LTF: variants seen among roughly 807,000 people sequenced by gnomAD.
LTF encodes the protein lactotransferrin.
Under a neutral mutation model 87.2 loss-of-function variants are expected in LTF, and 91 were observed. The observed-to-expected ratio is 1.04, with a 90% CI of 0.88 to 1.24. The LOEUF is 1.24. LTF is among the 50% of genes most tolerant of loss of function. LTF has a pLI of 0.00. For missense variants in LTF, 901 were observed against 904.3 expected (o/e 1.00, Z 0.05); for synonymous variants, 378 against 356.1 (o/e 1.06, Z -0.69).
At chr3:46,441,134 A>G (rs571131038) in intron 14 of LTF, among the ~76,000 whole-genome samples, 1 of 152,164 alleles carries the variant, frequency 6.6e-6, no homozygotes, top group East Asian at 1.9e-4. Context: ...CCAGGGAGAC[A>G]TTTGCTACTG....
intron 1 of LTF, among the ~76,000 whole-genome samples, chr3:46,472,074 C>T (rs139950130): frequency 2.0e-5 from 3 of 152,210 alleles, no homozygotes; most frequent in Non-Finnish European, 4.4e-5. Flanking sequence ...AGCGACCCTC[C>T]TCCCTTCTCA....
intron 1 of LTF, among the ~76,000 whole-genome samples, chr3:46,480,348 G>A (rs150445060): frequency 3.9e-5 from 6 of 152,194 alleles, no homozygotes; most frequent in Non-Finnish European, 8.8e-5. Context: ...TTTGGACTCC[G>A]CAACCTTCCT....
chr3:46,462,892 G>A (rs933764934), intron 1 of LTF, among the ~76,000 whole-genome samples: 35 of 151,722 alleles, frequency 2.3e-4, no homozygotes, highest in Admixed American at 1.1e-3. Context: ...GCCTCAAGCC[G>A]GAGGTGGGGG....
At chr3:46,461,691 C>T (rs1450718624) in intron 1 of LTF, among the ~76,000 whole-genome samples, 1 of 152,082 alleles carries the variant, frequency 6.6e-6, no homozygotes, top group East Asian at 1.9e-4. Context: ...TAAAAGTGTT[C>T]TAAAACAGAT....
chr3:46,473,947 C>T (rs914452828), intron 1 of LTF, among the ~76,000 whole-genome samples: 4 of 152,120 alleles, frequency 2.6e-5, no homozygotes, highest in African/African-American at 7.2e-5. Context: ...GTAACCACTA[C>T]GTAACCTATA....
In LTF at chr3:46,456,288, A is replaced by T; in HGVS notation, c.316+2T>A. On this transcript the variant is annotated splice_donor_variant, in intron 3 of 16. Coordinates refer to ENST00000231751, the MANE Select transcript of LTF (RefSeq NM_002343.6). LOFTEE classifies it high-confidence loss of function. Reference sequence around the variant, plus strand: ...GCCTCTGGGTCCCCAGGCAGAACTCACGTCTTTCGGTCCCGTAGACTTCCG... The same window carrying T: ...GCCTCTGGGTCCCCAGGCAGAACTCTCGTCTTTCGGTCCCGTAGACTTCCG... 1.2e-6 allele frequency: 2 copies of T among 1,613,570 alleles called. No homozygotes were observed. The highest frequency in any genetic ancestry group is 2.2e-5 in the East Asian group (1 of 44,870).
chr3:46,470,901 C>T (rs1007867027), intron 1 of LTF, among the ~76,000 whole-genome samples: 3 of 152,206 alleles, frequency 2.0e-5, no homozygotes, highest in Non-Finnish European at 4.4e-5. Flanking sequence ...TGTTGAGATG[C>T]TTGTGCAGTG....
Position 46,437,991 on chromosome 3 carries a change from C to T in LTF, c.2047G>A (p.Gly683Arg). 6.2e-7 allele frequency: 1 copy of T among 1,613,720 alleles called. No homozygotes were observed. Among genetic ancestry groups the T allele is most frequent in the Non-Finnish European group, 8.5e-7 (1 of 1,179,900 alleles). The stretch of plus-strand genomic sequence containing the variant: ...GTAATGCCTGCGACATACTGTGGTC[C>T]CAAATATTTTTCATATGTTGTTTTG... Reference protein sequence around the residue: ...HGKTTYEKYLGPQYVAGITNL... With the variant: ...HGKTTYEKYLRPQYVAGITNL... Residue 683 changes from glycine (G) to arginine (R), a missense_variant, in exon 16 of 17, where the codon GGA becomes AGA. Physicochemically the swap from Gly to Arg is moderately radical, Grantham distance 125 (BLOSUM62 -2). Transcript: ENST00000231751.
intron 1 of LTF, among the ~76,000 whole-genome samples, chr3:46,480,439 G>T (rs1354230240): frequency 1.1e-4 from 17 of 152,140 alleles, no homozygotes; most frequent in Admixed American, 1.1e-3. Context: ...GCCCTTGGCT[G>T]CAGGGACCTG....
intron 6 of LTF, among the ~76,000 whole-genome samples, chr3:46,452,665 G>GA (rs1238757166): frequency 6.6e-6 from 1 of 152,126 alleles, no homozygotes; most frequent in Non-Finnish European, 1.5e-5. Context: ...AACAAAAGCA[G>GA]AAAAAATGCA....
intron 1 of LTF, among the ~76,000 whole-genome samples, chr3:46,472,488 TTGTGTGTGTG>T (rs34825595): frequency 0.019 from 2,021 of 106,900 alleles, 61 homozygotes; most frequent in African/African-American, 0.075. Flanking sequence ...GAAAAGATTA[TTGTGTGTGTG>T]TGTGTGTGTG....
rs528784669 is a variant in LTF at position 46,459,553 on chromosome 3, C to G, written c.207+103G>C. The G allele has an allele frequency of 2.5e-5, 29 of 1,173,644 alleles. No individual in the cohort carries two copies. In the East Asian group the frequency reaches 3.5e-4, roughly 14 times the overall value. 72.7% of individuals were successfully genotyped at this position (1,173,644 alleles called of 1,614,324 possible). On this transcript the variant is annotated intron_variant, in intron 2 of 16. Coordinates refer to ENST00000231751, the MANE Select transcript of LTF (RefSeq NM_002343.6). ...GACGGCTCCCCACTTCGTTGCCCAA[C>G]AGGTGAAGCAGAGGAAGTAAGGAGA...
At chr3:46,465,064 C>T, upstream of LTF, 2 of 615,988 alleles carry the variant, frequency 3.2e-6, no homozygotes, top group Middle Eastern at 3.5e-4. Context: ...CTCCACACCG[C>T]GCTGCGAGAG....
intron 2 of LTF, 81 bp downstream of exon 2, chr3:46,459,575 G>A: frequency 2.3e-6 from 3 of 1,300,590 alleles, no homozygotes; most frequent in Middle Eastern, 2.1e-4. Flanking sequence ...AGGAAGTAAG[G>A]AGAGCTCGTG....
At chr3:46,459,516 C>T (rs1039507321) in intron 2 of LTF, 140 bp downstream of exon 2, 92 of 753,154 alleles carry the variant, frequency 1.2e-4, no homozygotes, top group Non-Finnish European at 1.6e-4. Context: ...AGCACAGTTC[C>T]CTGTGAGAGA....
chr3:46,478,807 C>T (rs1485614560), intron 1 of LTF, among the ~76,000 whole-genome samples: 1 of 152,150 alleles, frequency 6.6e-6, no homozygotes, highest in Non-Finnish European at 1.5e-5. Flanking sequence ...ATAATTTGAC[C>T]AAGAAAATCA....
intron 13 of LTF, chr3:46,441,969 GTGTGTGTGTGTGTGTGTGTATGC>G (rs1702532664): frequency 8.3e-6 from 1 of 120,136 alleles, no homozygotes; most frequent in Non-Finnish European, 1.8e-5. Flanking sequence ...GTGTGTGTGT[GTGTGTGTGTGTGTGTGTGTATGC>G]ATGTTGTTAG....
Position 46,449,034 on chromosome 3 carries a change from C to G in LTF, c.1058-17G>C, listed in dbSNP as rs147868536. ...CCTCCTCACCTGCCAGAGGGAAGACCGCAGGTGGCTGGGCAACCTGAGCTT... is the reference window on the plus strand; with the variant it reads ...CCTCCTCACCTGCCAGAGGGAAGACGGCAGGTGGCTGGGCAACCTGAGCTT... On this transcript the variant is annotated splice_polypyrimidine_tract_variant and intron_variant, in intron 8 of 16. Coordinates refer to ENST00000231751, the MANE Select transcript of LTF (RefSeq NM_002343.6). 1 of 1,595,212 alleles carries G rather than the reference C, an allele frequency of 6.3e-7. No homozygotes were observed. Among genetic ancestry groups the G allele is most frequent in the East Asian group, 2.2e-5 (1 of 44,462 alleles).
intron 3 of LTF, 27 bp from the exon 4 acceptor site, chr3:46,456,005 G>A: frequency 3.3e-6 from 5 of 1,535,124 alleles, no homozygotes; most frequent in Non-Finnish European, 4.4e-6. Context: ...AGAATTGAAA[G>A]TTCTTAGCCT....
Sources: allele counts gnomAD v4.1 joint callset (sites outside exome capture counted in the v4.1 genomes callset), GRCh38; gene constraint gnomAD v4.1.1; transcripts MANE v1.5; gene names NCBI Gene and HGNC (gene_info 2026-07-23, HGNC 2026-07-21).